ROBO2: variants seen among roughly 807,000 people sequenced by gnomAD.
The protein encoded by ROBO2 is roundabout homolog 2.
Under a neutral mutation model 160.8 loss-of-function variants are expected in ROBO2, and 53 were observed. That is an observed-to-expected ratio of 0.33 (90% CI 0.26 to 0.41). The LOEUF (loss-of-function observed/expected upper bound fraction) is 0.41, where lower values mean the gene tolerates loss of function less well. Among genes scored for constraint, ROBO2 ranks in the 10% least tolerant of loss-of-function variants. The pLI is 1.00. For missense variants in ROBO2, 1,577 were observed against 1,722.4 expected (o/e 0.92, Z 1.49); for synonymous variants, 664 against 611.7 (o/e 1.09, Z -1.26).
intron 2 of ROBO2, among the ~76,000 whole-genome samples, chr3:76,010,332 T>A (rs2107608259): frequency 6.6e-6 from 1 of 152,348 alleles, no homozygotes; most frequent in African/African-American, 2.4e-5. Flanking sequence ...TATACCTGGT[T>A]CTTTGTCTGC....
intron 2 of ROBO2, among the ~76,000 whole-genome samples, chr3:76,830,962 C>G (rs1487351282): frequency 6.6e-6 from 1 of 152,104 alleles, no homozygotes; most frequent in African/African-American, 2.4e-5. Context: ...GCACTCCAGC[C>G]TGGGTGCACA....
At chr3:77,020,185 C>T (rs931287596) in intron 2 of ROBO2, among the ~76,000 whole-genome samples, 1 of 151,948 alleles carries the variant, frequency 6.6e-6, no homozygotes, top group African/African-American at 2.4e-5. Context: ...AGAAATTCAC[C>T]TCACCCTATA....
At chr3:76,463,075 G>A (rs1257021908) in intron 2 of ROBO2, among the ~76,000 whole-genome samples, 1 of 152,152 alleles carries the variant, frequency 6.6e-6, no homozygotes, top group Non-Finnish European at 1.5e-5. Flanking sequence ...GCTGTGGCCA[G>A]GAATCTCCTA....
rs142862155 is a variant in ROBO2 at position 77,463,546 on chromosome 3, C to T, written c.389-13868C>T. Among the ~76,000 whole-genome samples the T allele has an allele frequency of 7.3e-5, 11 of 151,686 alleles. 1 individual carries two copies. The East Asian group carries it at 2.1e-3, about 29-fold the overall frequency. On this transcript the variant is annotated intron_variant, in intron 2 of 25. Coordinates refer to ENST00000461745, the Ensembl canonical transcript of ROBO2. ...GGCCTGAAAAATTTTATATATGGGA[C>T]AGGGTTATTGAAGATTATTATTATT... is the stretch of plus-strand genomic sequence containing the variant.
At chr3:76,192,524 CCACACACA>C (rs3039244) in intron 2 of ROBO2, among the ~76,000 whole-genome samples, 3,136 of 130,112 alleles carry the variant, frequency 0.024, 59 homozygotes, top group Middle Eastern at 0.075. Flanking sequence ...CAACACTCCA[CCACACACA>C]CACACACACA....
chr3:76,481,826 G>T (rs1279907001), intron 2 of ROBO2, among the ~76,000 whole-genome samples: 1 of 152,112 alleles, frequency 6.6e-6, no homozygotes, highest in Non-Finnish European at 1.5e-5. Context: ...TCAGGGGAAT[G>T]AGGTGATTAG....
chr3:77,404,756 G>A (rs375254336), intron 2 of ROBO2, among the ~76,000 whole-genome samples: 9 of 152,074 alleles, frequency 5.9e-5, no homozygotes, highest in African/African-American at 1.4e-4. Context: ...TTATAATTAC[G>A]TTTGTTATAA....
intron 2 of ROBO2, among the ~76,000 whole-genome samples, chr3:76,475,196 G>A (rs1176360033): frequency 1.3e-5 from 2 of 152,036 alleles, no homozygotes; most frequent in Non-Finnish European, 2.9e-5. Flanking sequence ...ATTTGACCAC[G>A]GGAAAAAATA....
chr3:77,520,214 C>T (rs553595517), intron 5 of ROBO2, among the ~76,000 whole-genome samples: 2 of 151,366 alleles, frequency 1.3e-5, no homozygotes, highest in South Asian at 2.1e-4. Context: ...ATGTGTCTTA[C>T]TGTTTTAAGT....
chr3:76,296,513 C>T (rs1387040459), intron 2 of ROBO2, among the ~76,000 whole-genome samples: 2 of 152,126 alleles, frequency 1.3e-5, no homozygotes, highest in Non-Finnish European at 2.9e-5. Context: ...AAGACCTGTG[C>T]CTCTCCCCAG....
chr3:77,214,292 G>T (rs550651128), intron 2 of ROBO2, among the ~76,000 whole-genome samples: 41 of 152,324 alleles, frequency 2.7e-4, no homozygotes, highest in African/African-American at 9.6e-4. Flanking sequence ...ATTTAGGACA[G>T]TTAGCTCTTC....
At chr3:76,039,467 A>G (rs2107756137) in intron 2 of ROBO2, among the ~76,000 whole-genome samples, 1 of 152,136 alleles carries the variant, frequency 6.6e-6, no homozygotes, top group South Asian at 2.1e-4. Flanking sequence ...TTGGTTGGTA[A>G]ATGGTGTTTG....
intron 2 of ROBO2, among the ~76,000 whole-genome samples, chr3:76,163,272 TACTA>T (rs1323403747): frequency 6.6e-6 from 1 of 151,886 alleles, no homozygotes; most frequent in East Asian, 1.9e-4. Flanking sequence ...ATCAATATAA[TACTA>T]ACTACTTGTT....
chr3:77,567,776 T>A (rs981821595), intron 12 of ROBO2, among the ~76,000 whole-genome samples: 1 of 152,086 alleles, frequency 6.6e-6, no homozygotes, highest in African/African-American at 2.4e-5. Flanking sequence ...AATGACAGAA[T>A]TCACTTTCCT....
chr3:77,512,126 T>C (rs367650701), intron 5 of ROBO2, among the ~76,000 whole-genome samples: 2 of 151,962 alleles, frequency 1.3e-5, no homozygotes, highest in East Asian at 1.9e-4. Flanking sequence ...AATGGCTTAT[T>C]GTGTTCGTTT....
intron 2 of ROBO2, among the ~76,000 whole-genome samples, chr3:76,101,650 A>G (rs1195650049): frequency 1.3e-5 from 2 of 151,614 alleles, no homozygotes; most frequent in Non-Finnish European, 2.9e-5. Flanking sequence ...TGCACCCATT[A>G]ACTCGTCATT....
At chr3:76,755,369 C>T (rs1001230347) in intron 2 of ROBO2, among the ~76,000 whole-genome samples, 1 of 151,642 alleles carries the variant, frequency 6.6e-6, no homozygotes, top group Non-Finnish European at 1.5e-5. Context: ...GACATCTACC[C>T]CAGAGTAAGG....
At chr3:76,106,241 G>T (rs2069925604) in intron 2 of ROBO2, among the ~76,000 whole-genome samples, 1 of 151,960 alleles carries the variant, frequency 6.6e-6, no homozygotes, top group Non-Finnish European at 1.5e-5. Context: ...ATTCCAGTTG[G>T]ATAACCCAGA....
chr3:76,031,716 C>T (rs1197767139), intron 2 of ROBO2, among the ~76,000 whole-genome samples: 1 of 152,114 alleles, frequency 6.6e-6, no homozygotes, highest in East Asian at 1.9e-4. Context: ...ATGAAGCCAA[C>T]TCGATCTTGG....
Sources: allele counts gnomAD v4.1 joint callset (sites outside exome capture counted in the v4.1 genomes callset), GRCh38; gene constraint gnomAD v4.1.1; transcripts MANE v1.5; gene names NCBI Gene and HGNC (gene_info 2026-07-23, HGNC 2026-07-21).